Variants in REEP1 observed in about 807,000 individuals in gnomAD.
REEP1 encodes the protein receptor expression-enhancing protein 1.
A neutral mutation model predicts 40.3 loss-of-function variants in REEP1; 22 were observed. The ratio of observed to expected loss-of-function variants is 0.55; its 90% confidence interval spans 0.39 to 0.78. REEP1 has a LOEUF of 0.78. Ranked by LOEUF, REEP1 falls within the 30% of genes least tolerant of loss-of-function variation. The pLI is 0.00. For missense variants in REEP1, 280 were observed against 361.1 expected (o/e 0.78, Z 1.82); for synonymous variants, 116 against 139.2 (o/e 0.83, Z 1.17).
chr2:86,300,523 A>G (rs1304851437), intron 1 of REEP1, among the ~76,000 whole-genome samples: 1 of 152,212 alleles, frequency 6.6e-6, no homozygotes, highest in Non-Finnish European at 1.5e-5. Context: ...ACACATGAAA[A>G]GTAGAAGTCT....
At chr2:86,223,971 CA>C (rs999337320) in intron 7 of REEP1, among the ~76,000 whole-genome samples, 10 of 151,464 alleles carry the variant, frequency 6.6e-5, no homozygotes, top group African/African-American at 2.4e-4. Context: ...ATGCAGAAAA[CA>C]ATAGGGAATC....
chr2:86,279,116 G>A (rs1677919953), intron 2 of REEP1, among the ~76,000 whole-genome samples: 1 of 152,162 alleles, frequency 6.6e-6, no homozygotes, highest in Non-Finnish European at 1.5e-5. Flanking sequence ...GGGAATGTGT[G>A]TCAAAAACTC....
Position 86,215,810 on chromosome 2 carries a change from G to A in REEP1, c.*1229C>T, listed in dbSNP as rs1356173495. 1 of 152,372 alleles carries A rather than the reference G, an allele frequency of 6.6e-6. No individual in the cohort carries two copies. The highest frequency in any genetic ancestry group is 1.5e-5 in the Non-Finnish European group (1 of 68,050). The allele number at this position is 152,372 out of a possible 1,614,324, so 9.4% of individuals were successfully genotyped here. On this transcript the variant is annotated 3_prime_UTR_variant, in exon 9 of 9. Transcript: ENST00000538924. Reference sequence around the variant, plus strand: ...TGATAAGGCCTGTAGTGCCCATTGAGTATGAGTCTGCTGTTTACATTCTGC... The same window carrying A: ...TGATAAGGCCTGTAGTGCCCATTGAATATGAGTCTGCTGTTTACATTCTGC...
intron 1 of REEP1, among the ~76,000 whole-genome samples, chr2:86,283,394 A>C (rs1678205258): frequency 6.6e-6 from 1 of 152,208 alleles, no homozygotes; most frequent in Admixed American, 6.5e-5. Context: ...GGCCTGGCCC[A>C]GGTACTATAT....
intron 6 of REEP1, 47 bp downstream of exon 6, chr2:86,232,578 A>G: frequency 6.2e-7 from 1 of 1,602,908 alleles, no homozygotes; most frequent in African/African-American, 1.3e-5. Flanking sequence ...TCTCAATGAA[A>G]GCGAGGCCCA....
At chr2:86,285,910 CAG>C (rs1215934119) in intron 1 of REEP1, among the ~76,000 whole-genome samples, 1 of 152,104 alleles carries the variant, frequency 6.6e-6, no homozygotes, top group African/African-American at 2.4e-5. Flanking sequence ...TGGGCTCAAG[CAG>C]AGGGAAGATG....
chr2:86,258,997 C>A (rs1413091639), intron 3 of REEP1, among the ~76,000 whole-genome samples: 1 of 152,190 alleles, frequency 6.6e-6, no homozygotes, highest in Non-Finnish European at 1.5e-5. Flanking sequence ...AAAGAAAACA[C>A]AAGTAACTTT....
At chr2:86,232,554 G>T in intron 6 of REEP1, 71 bp downstream of exon 6, 1 of 1,560,166 alleles carries the variant, frequency 6.4e-7, no homozygotes, top group Non-Finnish European at 8.8e-7. Flanking sequence ...ATGCCACACT[G>T]CGGACTGGGC....
intron 2 of REEP1, among the ~76,000 whole-genome samples, chr2:86,267,056 G>A (rs1334916737): frequency 6.6e-6 from 1 of 150,966 alleles, no homozygotes; most frequent in Admixed American, 6.6e-5. Flanking sequence ...AATTTACTGG[G>A]AGGCCAAGAT....
intron 2 of REEP1, among the ~76,000 whole-genome samples, chr2:86,269,999 A>G (rs1182350624): frequency 1.3e-5 from 2 of 152,104 alleles, no homozygotes; most frequent in Non-Finnish European, 2.9e-5. Flanking sequence ...AAAACAAACA[A>G]CCCAATTAAA....
intron 5 of REEP1, among the ~76,000 whole-genome samples, chr2:86,242,465 T>C (rs1429481665): frequency 1.3e-5 from 2 of 152,148 alleles, no homozygotes; most frequent in East Asian, 3.9e-4. Context: ...AGGCCAGTTC[T>C]ACCTGGGATC....
intron 4 of REEP1, 99 bp from the exon 5 acceptor site, chr2:86,252,169 A>G (rs949092186): frequency 1.4e-5 from 12 of 863,262 alleles, no homozygotes; most frequent in Admixed American, 3.6e-5. Flanking sequence ...AGCTTGCCCA[A>G]TCCTTGTTCT....
chr2:86,304,561 C>G (rs569222600), intron 1 of REEP1, among the ~76,000 whole-genome samples: 1 of 152,314 alleles, frequency 6.6e-6, no homozygotes, highest in South Asian at 2.1e-4. Flanking sequence ...CATTCCCCTC[C>G]CAAAGCCGCT....
chr2:86,309,546 C>T (rs1679662786), intron 1 of REEP1, among the ~76,000 whole-genome samples: 1 of 152,222 alleles, frequency 6.6e-6, no homozygotes, highest in African/African-American at 2.4e-5. Context: ...ACACTACAGA[C>T]GGGATGGCTT....
intron 1 of REEP1, among the ~76,000 whole-genome samples, chr2:86,334,466 T>A (rs1382062567): frequency 6.6e-6 from 1 of 152,030 alleles, no homozygotes. Flanking sequence ...TTTTTCTCAG[T>A]GGGGAGTGAA....
chr2:86,257,088 T>C (rs1178243449), intron 3 of REEP1, among the ~76,000 whole-genome samples: 1 of 152,188 alleles, frequency 6.6e-6, no homozygotes, highest in African/African-American at 2.4e-5. Flanking sequence ...TTGTTTAATG[T>C]TTCACAGCCA....
At chr2:86,334,084 T>G (rs1199154948) in intron 1 of REEP1, among the ~76,000 whole-genome samples, 1 of 152,198 alleles carries the variant, frequency 6.6e-6, no homozygotes, top group African/African-American at 2.4e-5. Flanking sequence ...CTTCACTCAG[T>G]GCATTCAGGT....
chr2:86,333,880 A>G (rs1190718384), intron 1 of REEP1, among the ~76,000 whole-genome samples: 1 of 152,224 alleles, frequency 6.6e-6, no homozygotes, highest in Admixed American at 6.5e-5. Context: ...TTAATTCTTT[A>G]CAGGCTGAGC....
intron 1 of REEP1, chr2:86,336,914 C>T (rs561086101): frequency 6.6e-6 from 1 of 152,450 alleles, no homozygotes; most frequent in South Asian, 2.1e-4. Context: ...CATGTCCCAG[C>T]TGCCTTTGCC....
Sources: gnomAD v4.1 joint callset for allele counts (sites outside exome capture counted in the v4.1 genomes callset) on GRCh38, gnomAD v4.1.1 for gene constraint, MANE v1.5 for transcripts, NCBI Gene and HGNC (gene_info 2026-07-23, HGNC 2026-07-21) for gene names.